The following CPQ variants were observed in gnomAD, a reference collection of about 807,000 sequenced individuals.
The protein encoded by CPQ is carboxypeptidase Q, also known as Ser-Met dipeptidase.
CPQ carries 37 observed loss-of-function variants against 45.7 expected under a neutral mutation model. That is an observed-to-expected ratio of 0.81 (90% CI 0.62 to 1.07). The LOEUF is 1.07. CPQ is among the 50% of genes least tolerant of loss of function. CPQ has a pLI of 0.00. For missense variants in CPQ, 537 were observed against 572.9 expected, an observed-to-expected ratio of 0.94 and a Z score of 0.64; for synonymous variants, 186 against 205.8, an observed-to-expected ratio of 0.90 and a Z score of 0.82.
At chr8:96,942,867 T>C (rs1361443009) in intron 4 of CPQ, among the ~76,000 whole-genome samples, 2 of 152,206 alleles carry the variant, frequency 1.3e-5, no homozygotes, top group Non-Finnish European at 2.9e-5. Context: ...AGTGCCTCTT[T>C]GTCATTCTTC....
At chr8:96,654,161 T>G (rs1815611466) in intron 1 of CPQ, among the ~76,000 whole-genome samples, 1 of 152,218 alleles carries the variant, frequency 6.6e-6, no homozygotes, top group South Asian at 2.1e-4. Flanking sequence ...TCAGAAGCAC[T>G]CCGTCAAGTT....
intron 1 of CPQ, among the ~76,000 whole-genome samples, chr8:96,667,474 A>G (rs1033856177): frequency 1.3e-5 from 2 of 149,468 alleles, no homozygotes; most frequent in South Asian, 2.1e-4. Flanking sequence ...TCAGCCTCCC[A>G]TGTAGCTGGG....
In CPQ at chr8:96,963,501, G is replaced by A. The variant is rs1042288837; in HGVS notation, c.850-2434G>A. On this transcript the variant is annotated intron_variant, in intron 4 of 7. Coordinates refer to ENST00000220763, the MANE Select transcript of CPQ (RefSeq NM_016134.4). ...TCCGTATGTAAGTCAGTGGGAGATC[G>A]TGCAGCTGCTCAGTGAATCATTCAG... is the stretch of plus-strand genomic sequence containing the variant. Among the ~76,000 whole-genome samples, 7 of 152,240 alleles carry A rather than the reference G, an allele frequency of 4.6e-5. 1 individual carries two copies. In the South Asian group the frequency reaches 1.0e-3, roughly 23 times the overall value.
At chr8:96,862,191 T>A (rs1319716655) in intron 3 of CPQ, among the ~76,000 whole-genome samples, 2 of 151,962 alleles carry the variant, frequency 1.3e-5, no homozygotes, top group African/African-American at 4.8e-5. Context: ...GCCCTTCCGC[T>A]TATGCATACG....
intron 4 of CPQ, among the ~76,000 whole-genome samples, chr8:96,901,024 T>A (rs949772744): frequency 2.0e-5 from 3 of 152,124 alleles, no homozygotes; most frequent in African/African-American, 2.4e-5. Context: ...CTTGGAGAGA[T>A]ATATTCCTTG....
At chr8:96,965,666 G>T (rs1813544119) in intron 4 of CPQ, among the ~76,000 whole-genome samples, 1 of 152,064 alleles carries the variant, frequency 6.6e-6, no homozygotes, top group African/African-American at 2.4e-5. Flanking sequence ...ACCGCACCCG[G>T]CCAAGCCAAT....
intron 4 of CPQ, among the ~76,000 whole-genome samples, chr8:96,912,775 C>T (rs1812683976): frequency 6.6e-6 from 1 of 152,190 alleles, no homozygotes; most frequent in African/African-American, 2.4e-5. Context: ...TAAATAGTCT[C>T]AGAGATCAAA....
In CPQ at chr8:96,820,411, A is replaced by C. The variant is rs181833570; in HGVS notation, c.434-14562A>C. Reference sequence around the variant, plus strand: ...TAATTTACCATCTTTATCTTTTTTAAGTGTGTAGTTCAGTGGTAATAAATG... The same window carrying C: ...TAATTTACCATCTTTATCTTTTTTACGTGTGTAGTTCAGTGGTAATAAATG... On this transcript the variant is annotated intron_variant, in intron 2 of 7. Coordinates refer to ENST00000220763, the MANE Select transcript of CPQ (RefSeq NM_016134.4). Among the ~76,000 whole-genome samples the C allele has an allele frequency of 8.5e-5, 13 of 152,100 alleles. No individual in the cohort carries two copies. The East Asian group carries it at 2.1e-3, about 25-fold the overall frequency.
intron 7 of CPQ, among the ~76,000 whole-genome samples, chr8:97,090,614 T>C (rs1941116240): frequency 6.6e-6 from 1 of 152,148 alleles, no homozygotes; most frequent in Admixed American, 6.5e-5. Context: ...ACTCAGAACC[T>C]AGGAGATCAA....
chr8:96,806,950 C>G (rs751129309), intron 2 of CPQ, among the ~76,000 whole-genome samples: 3 of 151,862 alleles, frequency 2.0e-5, no homozygotes, highest in Non-Finnish European at 4.4e-5. Context: ...ATCTCATGTA[C>G]CCTATAAATG....
intron 2 of CPQ, among the ~76,000 whole-genome samples, chr8:96,814,982 GTTGCCAGGGGTTTGGCAACCCCACT>G (rs1214383136): frequency 1.4e-4 from 21 of 152,128 alleles, no homozygotes; most frequent in Non-Finnish European, 2.6e-4. Context: ...TACATTGGTA[GTTGCCAGGGGTTTGGCAACCCCACT>G]TTGCCAGCGG....
At chr8:96,652,193 T>G (rs1815584623) in intron 1 of CPQ, among the ~76,000 whole-genome samples, 1 of 152,236 alleles carries the variant, frequency 6.6e-6, no homozygotes, top group African/African-American at 2.4e-5. Context: ...TTGTTTAGAT[T>G]CCACGTAGAA....
At chr8:96,975,574 C>A (rs1187467646) in intron 5 of CPQ, among the ~76,000 whole-genome samples, 4 of 151,544 alleles carry the variant, frequency 2.6e-5, no homozygotes, top group African/African-American at 9.7e-5. Context: ...CCCTGATGAA[C>A]GTAGATGCTA....
intron 1 of CPQ, among the ~76,000 whole-genome samples, chr8:96,717,086 T>TAC (rs112733642): frequency 0.012 from 1,442 of 121,890 alleles, 21 homozygotes; most frequent in Non-Finnish European, 0.014. Flanking sequence ...TACGTATATA[T>TAC]ACACACACAC....
intron 5 of CPQ, among the ~76,000 whole-genome samples, chr8:97,019,137 T>C (rs894683819): frequency 6.6e-6 from 1 of 152,154 alleles, no homozygotes; most frequent in African/African-American, 2.4e-5. Flanking sequence ...TTAAGCTTCA[T>C]AAATGAAAGA....
At chr8:96,900,759 C>T (rs141363392) in intron 4 of CPQ, among the ~76,000 whole-genome samples, 227 of 152,274 alleles carry the variant, frequency 1.5e-3, no homozygotes, top group African/African-American at 5.2e-3. Context: ...GTTCTATATT[C>T]AGACTGCTTT....
At chr8:96,703,305 A>G (rs1809492782) in intron 1 of CPQ, among the ~76,000 whole-genome samples, 1 of 152,198 alleles carries the variant, frequency 6.6e-6, no homozygotes, top group South Asian at 2.1e-4. Flanking sequence ...CTTCTAAGCT[A>G]TGTGGCCATT....
chr8:97,019,295 C>G (rs1366155976), intron 5 of CPQ, among the ~76,000 whole-genome samples: 1 of 152,004 alleles, frequency 6.6e-6, no homozygotes, highest in Non-Finnish European at 1.5e-5. Flanking sequence ...ATAAATCACA[C>G]AAAAATACAA....
chr8:96,650,161 T>G (rs1815561965), intron 1 of CPQ, among the ~76,000 whole-genome samples: 1 of 152,168 alleles, frequency 6.6e-6, no homozygotes, highest in African/African-American at 2.4e-5. Context: ...CAAACAGGTG[T>G]GGGTGCTGGG....
Sources: allele counts gnomAD v4.1 joint callset (sites outside exome capture counted in the v4.1 genomes callset), GRCh38; gene constraint gnomAD v4.1.1; transcripts MANE v1.5; gene names NCBI Gene and HGNC (gene_info 2026-07-23, HGNC 2026-07-21).